Variants in CSMD1 observed in about 807,000 individuals in gnomAD.
CSMD1 encodes the protein CUB and Sushi multiple domains 1.
CSMD1 carries 213 observed loss-of-function variants against 417.5 expected under a neutral mutation model. The ratio of observed to expected loss-of-function variants is 0.51; its 90% CI spans 0.46 to 0.57. CSMD1 has a LOEUF of 0.57. CSMD1 is among the 20% of genes least tolerant of loss of function. The pLI, the probability that CSMD1 is intolerant of heterozygous loss-of-function variation, is 0.00. For synonymous variants in CSMD1, 2,862 were observed against 1,736.8 expected (o/e 1.65, Z -16.11); for missense variants, 6,923 against 4,529.7 (o/e 1.53, Z -15.17).
intron 2 of CSMD1, among the ~76,000 whole-genome samples, chr8:4,514,393 A>T (rs1803001870): frequency 6.6e-6 from 1 of 152,160 alleles, no homozygotes; most frequent in African/African-American, 2.4e-5. Context: ...GGACACAGGC[A>T]GTCCACAATA....
intron 1 of CSMD1, among the ~76,000 whole-genome samples, chr8:4,855,829 G>A (rs921395859): frequency 3.3e-5 from 5 of 151,264 alleles, no homozygotes; most frequent in Admixed American, 2.6e-4. Flanking sequence ...AACCAAGTTG[G>A]AAAACACTCT....
rs201991473 is a variant in CSMD1 at position 3,348,160 on chromosome 8, G to A, written c.3306C>T (p.Ala1102=). ...VWSAPLPRCV[A]ECGASVKGNE... ...TTCCTTTGACACTTGCTCCACATTC[G>A]GCTACAATAAATAGGACATGAGAGA... Residue 1102 remains alanine (A), a splice_region_variant and synonymous_variant, in exon 22 of 70, where the codon GCC becomes GCT. Coordinates refer to ENST00000635120, the MANE Select transcript of CSMD1 (RefSeq NM_033225.6). 98 of 1,610,004 alleles carry A rather than the reference G, an allele frequency of 6.1e-5. No individual in the cohort carries two copies. The East Asian group carries it at 1.1e-3, about 18-fold the overall frequency.
intron 1 of CSMD1, among the ~76,000 whole-genome samples, chr8:4,858,788 A>G (rs954340213): frequency 2.1e-5 from 3 of 139,688 alleles, no homozygotes; most frequent in Non-Finnish European, 4.7e-5. Context: ...ATGGAAGAAC[A>G]TTCCACGCTC....
At chr8:4,334,502 G>T (rs1346021109) in intron 3 of CSMD1, among the ~76,000 whole-genome samples, 4 of 152,068 alleles carry the variant, frequency 2.6e-5, no homozygotes, top group African/African-American at 9.7e-5. Flanking sequence ...TGACTTACCA[G>T]TCCCTATAAA....
chr8:4,918,340 C>G (rs963489274), intron 1 of CSMD1, among the ~76,000 whole-genome samples: 1 of 152,176 alleles, frequency 6.6e-6, no homozygotes, highest in Non-Finnish European at 1.5e-5. Flanking sequence ...TCTCTCTTTT[C>G]TTTTTGCTGG....
At chr8:4,600,227 G>A (rs1347234118) in intron 2 of CSMD1, among the ~76,000 whole-genome samples, 7 of 49,500 alleles carry the variant, frequency 1.4e-4, no homozygotes, top group Non-Finnish European at 3.1e-4. Flanking sequence ...CCCTCCTCAC[G>A]TGATACTCTA....
intron 3 of CSMD1, among the ~76,000 whole-genome samples, chr8:4,038,363 A>C (rs1411752020): frequency 6.6e-6 from 1 of 152,236 alleles, no homozygotes; most frequent in African/African-American, 2.4e-5. Context: ...AAATCAAAAA[A>C]ACTTGTAAAT....
At chr8:3,556,730 C>T (rs960026849) in intron 10 of CSMD1, among the ~76,000 whole-genome samples, 1 of 151,802 alleles carries the variant, frequency 6.6e-6, no homozygotes, top group Non-Finnish European at 1.5e-5. Flanking sequence ...TTAACTTCTC[C>T]TCTCTCAAAG....
At position 4,897,022 on chromosome 8, in the gene CSMD1, T is replaced by A. The variant is rs189413889; in HGVS notation, c.85+97310A>T. ...TTTTACACTGACTTCTCTTTTCCCA[T>A]GACAGTTTTATCAATGTTTTAAAAC... On this transcript the variant is annotated intron_variant, in intron 1 of 69. Coordinates refer to ENST00000635120, the MANE Select transcript of CSMD1 (RefSeq NM_033225.6). Among the ~76,000 whole-genome samples the A allele has an allele frequency of 1.3e-3, 191 of 152,262 alleles. 2 individuals carry two copies. Among genetic ancestry groups the A allele is most frequent in the Admixed American group, 5.9e-3 (91 of 15,300 alleles).
intron 1 of CSMD1, among the ~76,000 whole-genome samples, chr8:4,951,563 A>G (rs1808749604): frequency 7.4e-6 from 1 of 134,662 alleles, no homozygotes; most frequent in Admixed American, 8.1e-5. Context: ...GGAAAAGAGA[A>G]AATAAAAAAG....
intron 7 of CSMD1, among the ~76,000 whole-genome samples, chr8:3,708,204 C>G (rs1310814861): frequency 6.6e-6 from 1 of 152,172 alleles, no homozygotes; most frequent in East Asian, 1.9e-4. Flanking sequence ...AGACGTGACA[C>G]ATGGTTAGGA....
chr8:4,117,120 T>G (rs1159523002), intron 3 of CSMD1, among the ~76,000 whole-genome samples: 1 of 151,912 alleles, frequency 6.6e-6, no homozygotes, highest in Non-Finnish European at 1.5e-5. Context: ...TTTTTCTTGC[T>G]GCCACATTCT....
intron 9 of CSMD1, among the ~76,000 whole-genome samples, chr8:3,578,807 A>C (rs1585400229): frequency 6.6e-6 from 1 of 152,204 alleles, no homozygotes; most frequent in Non-Finnish European, 1.5e-5. Context: ...CTTCTGTGCT[A>C]AACAGGCATT....
chr8:4,792,320 C>T (rs932117572), intron 1 of CSMD1, among the ~76,000 whole-genome samples: 4 of 152,144 alleles, frequency 2.6e-5, no homozygotes, highest in Non-Finnish European at 2.9e-5. Flanking sequence ...TTCTAAAATT[C>T]TTAAAGTAGT....
rs529731110 is a variant in CSMD1 at position 3,615,287 on chromosome 8, C to A, written c.1097+1423G>T. 2.0e-5 allele frequency among the ~76,000 whole-genome samples: 3 copies of A among 152,194 alleles called. No individual in the cohort carries two copies. In the South Asian group the frequency reaches 6.2e-4, roughly 32 times the overall value. ...GGCCTGCTTGTCAGTACAGTTTGTGCCCCAGAACTCGCCATGGAAACAGAC... is the reference window on the plus strand; with the variant it reads ...GGCCTGCTTGTCAGTACAGTTTGTGACCCAGAACTCGCCATGGAAACAGAC... On this transcript the variant is annotated intron_variant, in intron 8 of 69. Transcript: ENST00000635120.
intron 52 of CSMD1, among the ~76,000 whole-genome samples, chr8:3,000,617 G>C (rs1256586130): frequency 1.3e-5 from 2 of 152,138 alleles, no homozygotes; most frequent in African/African-American, 2.4e-5. Context: ...CAGAGAATAA[G>C]TTCAATTTCA....
intron 5 of CSMD1, among the ~76,000 whole-genome samples, chr8:3,855,471 T>A (rs1047511809): frequency 6.6e-6 from 1 of 152,198 alleles, no homozygotes; most frequent in Non-Finnish European, 1.5e-5. Context: ...TGGTGAAATG[T>A]GCTAGTTATG....
At position 3,187,371 on chromosome 8, in the gene CSMD1, A is replaced by C. The variant is rs75055880; in HGVS notation, c.5620+498T>G. Among the ~76,000 whole-genome samples, 495 of 152,264 alleles carry C rather than the reference A, an allele frequency of 3.3e-3. 6 individuals carry two copies. The highest frequency in any genetic ancestry group is 0.011 in the African/African-American group (457 of 41,554). On this transcript the variant is annotated intron_variant, in intron 36 of 69. Coordinates refer to ENST00000635120, the MANE Select transcript of CSMD1 (RefSeq NM_033225.6). ...AGAGCAGACTCGTCAAGGCGGGTGCATTCGTGAGAGTCGGAGGTGCAAGGA... is the reference window on the plus strand; with the variant it reads ...AGAGCAGACTCGTCAAGGCGGGTGCCTTCGTGAGAGTCGGAGGTGCAAGGA...
chr8:3,101,463 C>T (rs1490612453), intron 46 of CSMD1, among the ~76,000 whole-genome samples: 1 of 152,292 alleles, frequency 6.6e-6, no homozygotes, highest in African/African-American at 2.4e-5. Context: ...CGCTCTGACG[C>T]CCAGGCTGGA....
Sources: allele counts gnomAD v4.1 joint callset (sites outside exome capture counted in the v4.1 genomes callset), GRCh38; gene constraint gnomAD v4.1.1; transcripts MANE v1.5; gene names NCBI Gene and HGNC (gene_info 2026-07-23, HGNC 2026-07-21).